The following BAZ2B variants were observed in gnomAD, a reference collection of about 807,000 sequenced individuals.
BAZ2B encodes bromodomain adjacent to zinc finger domain protein 2B.
A neutral mutation model predicts 246.0 loss-of-function variants in BAZ2B; 91 were observed. The ratio of observed to expected loss-of-function variants is 0.37; its 90% CI spans 0.31 to 0.44. The LOEUF is 0.44. Among genes scored for constraint, BAZ2B ranks in the 20% least tolerant of loss-of-function variants. BAZ2B has a pLI of 1.00. For missense variants in BAZ2B, 2,332 were observed against 2,533.7 expected, an observed-to-expected ratio of 0.92 and a Z score of 1.71; for synonymous variants, 855 against 860.0, an observed-to-expected ratio of 0.99 and a Z score of 0.10.
At chr2:159,703,135 G>A in the BAZ2B span, among the ~76,000 whole-genome samples, 4 of 151,216 alleles carry the variant, frequency 2.6e-5, no homozygotes, top group Non-Finnish European at 4.4e-5. Context: ...TGCTCAGGCT[G>A]GAGTGCAGTG....
At chr2:159,559,114 C>T (rs2151488307) in intron 1 of BAZ2B, among the ~76,000 whole-genome samples, 1 of 152,188 alleles carries the variant, frequency 6.6e-6, no homozygotes, top group South Asian at 2.1e-4. Context: ...GTGGCACACG[C>T]CTGTAGTCCC....
At chr2:159,707,985 C>G in the BAZ2B span, among the ~76,000 whole-genome samples, 1 of 152,066 alleles carries the variant, frequency 6.6e-6, no homozygotes, top group Non-Finnish European at 1.5e-5. Context: ...GAGTGAGACT[C>G]TGTCTCCAAA....
At chr2:159,671,311 G>A in the BAZ2B span, among the ~76,000 whole-genome samples, 6 of 151,878 alleles carry the variant, frequency 4.0e-5, no homozygotes, top group South Asian at 4.2e-4. Context: ...CAATACTTTC[G>A]TTCTCCCAAA....
At chr2:159,356,295 T>G (rs1012060484) in intron 27 of BAZ2B, among the ~76,000 whole-genome samples, 2 of 152,150 alleles carry the variant, frequency 1.3e-5, no homozygotes, top group Non-Finnish European at 2.9e-5. Context: ...TGCTTGAGCT[T>G]GGGTGTGGGA....
intron 32 of BAZ2B, 92 bp downstream of exon 32, chr2:159,337,475 C>T (rs1362462226): frequency 6.2e-7 from 1 of 1,609,766 alleles, no homozygotes; most frequent in Non-Finnish European, 8.5e-7. Context: ...TCACCATCAC[C>T]ACTAACGGAT....
At chr2:159,573,106 T>C (rs1480263798) in intron 1 of BAZ2B, among the ~76,000 whole-genome samples, 1 of 152,180 alleles carries the variant, frequency 6.6e-6, no homozygotes, top group Non-Finnish European at 1.5e-5. Context: ...GGGGTATAAC[T>C]GAATTGGGCC....
intron 1 of BAZ2B, among the ~76,000 whole-genome samples, chr2:159,610,884 C>A (rs1184429387): frequency 1.3e-5 from 2 of 152,026 alleles, no homozygotes; most frequent in Non-Finnish European, 2.9e-5. Context: ...CAATGTTTAA[C>A]TGTAAATATC....
intron 1 of BAZ2B, among the ~76,000 whole-genome samples, chr2:159,571,369 T>C (rs962639426): frequency 1.3e-5 from 2 of 151,974 alleles, no homozygotes; most frequent in Non-Finnish European, 2.9e-5. Flanking sequence ...CTATAATATA[T>C]AGTAGATGCT....
At position 159,332,698 on chromosome 2, in the gene BAZ2B, G is replaced by C. The variant is rs766015568; in HGVS notation, c.5797-12C>G. The C allele has an allele frequency of 6.2e-7, 1 of 1,611,360 alleles. No homozygotes were observed. Among genetic ancestry groups the C allele is most frequent in the Non-Finnish European group, 8.5e-7 (1 of 1,178,894 alleles). ...CAGATTTGGCAGTACTATAATACAT[G>C]AAAAATCATTTAAAATTAACGCTCT... On this transcript the variant is annotated splice_polypyrimidine_tract_variant and intron_variant, in intron 33 of 36. Coordinates refer to ENST00000392783, the MANE Select transcript of BAZ2B (RefSeq NM_013450.4).
At chr2:159,651,161 T>C in the BAZ2B span, among the ~76,000 whole-genome samples, 1 of 152,192 alleles carries the variant, frequency 6.6e-6, no homozygotes, top group Non-Finnish European at 1.5e-5. Flanking sequence ...TGCAATGCAC[T>C]TATTTTACCA....
At chr2:159,590,724 G>T (rs987860113) in intron 1 of BAZ2B, among the ~76,000 whole-genome samples, 1 of 152,130 alleles carries the variant, frequency 6.6e-6, no homozygotes, top group Non-Finnish European at 1.5e-5. Context: ...AGGTGTGCTA[G>T]TCCCTAATTG....
At chr2:159,695,905 T>C in the BAZ2B span, among the ~76,000 whole-genome samples, 1 of 152,040 alleles carries the variant, frequency 6.6e-6, no homozygotes, top group African/African-American at 2.4e-5. Context: ...CAGACACGCA[T>C]GCCACCATGC....
At chr2:159,689,125 A>G in the BAZ2B span, 3 of 310,636 alleles carry the variant, frequency 9.7e-6, no homozygotes, top group East Asian at 3.5e-4. Context: ...CTAGAATTCT[A>G]TTCTACATCA....
chr2:159,449,125 T>C (rs1377852332), intron 4 of BAZ2B, among the ~76,000 whole-genome samples: 1 of 152,196 alleles, frequency 6.6e-6, no homozygotes, highest in Non-Finnish European at 1.5e-5. Flanking sequence ...GATTGTTTTA[T>C]TGATATAAAA....
chr2:159,586,789 T>C (rs1293878245), intron 1 of BAZ2B, among the ~76,000 whole-genome samples: 4 of 152,104 alleles, frequency 2.6e-5, no homozygotes, highest in Admixed American at 1.3e-4. Context: ...ATATAGAATA[T>C]ACTTAGGCTT....
Position 159,337,709 on chromosome 2 carries a change from A to G in BAZ2B, c.5518T>C (p.Phe1840Leu). 6.2e-7 allele frequency: 1 copy of G among 1,614,164 alleles called. No homozygotes were observed. The highest frequency in any genetic ancestry group is 8.5e-7 in the Non-Finnish European group (1 of 1,180,030). Reference protein sequence around the residue: ...EDLVYFEHKSFTKLCKEHDGE... With the variant: ...EDLVYFEHKSLTKLCKEHDGE... The stretch of plus-strand genomic sequence containing the variant: ...TCATGCTCCTTGCACAATTTAGTAA[A>G]TGATTTATGTTCAAAATATACCAAG... Residue 1840 changes from phenylalanine to leucine, a missense_variant, in exon 32 of 37, where the codon TTT becomes CTT. Physicochemically the swap from Phe to Leu is conservative, Grantham distance 22. Around this residue, in one of 9 missense-constraint regions of BAZ2B, gnomAD observed 676 missense variants for 668.6 expected, o/e 1.01. Coordinates refer to ENST00000392783, the MANE Select transcript of BAZ2B (RefSeq NM_013450.4).
At chr2:159,443,696 G>C (rs566786314) in intron 6 of BAZ2B, among the ~76,000 whole-genome samples, 1 of 152,166 alleles carries the variant, frequency 6.6e-6, no homozygotes, top group African/African-American at 2.4e-5. Flanking sequence ...TCTCTATAAT[G>C]TTATTTCTGC....
rs1339081290 is a variant in BAZ2B, at chr2:159,439,127, C to T, written c.782G>A (p.Ser261Asn). The T allele has an allele frequency of 2.5e-6, 4 of 1,613,980 alleles. No homozygotes were observed. The highest frequency in any genetic ancestry group is 3.4e-6 in the Non-Finnish European group (4 of 1,179,924). The change falls in exon 7 of 37, where the codon AGT (serine) becomes AAT (asparagine). Residue 261 changes from serine to asparagine, a missense_variant. Ser to Asn is a conservative substitution (Grantham distance 46, BLOSUM62 1). This residue lies in a region of BAZ2B where 161 missense variants were observed against 225.8 expected (regional missense o/e 0.71). Coordinates refer to ENST00000392783, the MANE Select transcript of BAZ2B (RefSeq NM_013450.4). ...TSSDTSSEGISSSDSDDLEED... is the reference protein window; with the variant it reads ...TSSDTSSEGINSSDSDDLEED... The stretch of plus-strand genomic sequence containing the variant: ...TTCTAGATCATCTGAATCACTGCTA[C>T]TAATGCCTTCACTTGAGGTGTCTGA...
intron 20 of BAZ2B, among the ~76,000 whole-genome samples, chr2:159,393,714 G>A (rs1415035963): frequency 4.6e-5 from 7 of 152,276 alleles, no homozygotes; most frequent in Admixed American, 6.5e-5. Flanking sequence ...GAACTGTAGC[G>A]GACTCACTCT....
Sources: gnomAD v4.1 joint callset for allele counts (sites outside exome capture counted in the v4.1 genomes callset) on GRCh38, gnomAD v4.1.1 for gene constraint, gnomAD v4.1.1 regional missense constraint, MANE v1.5 for transcripts, NCBI Gene and HGNC (gene_info 2026-07-23, HGNC 2026-07-21) for gene names.